FAT1: variants seen among roughly 807,000 people sequenced by gnomAD.
FAT1 encodes the protein FAT atypical cadherin 1.
In FAT1, 171 loss-of-function variants were observed where a neutral mutation model predicts 329.8. The observed-to-expected ratio is 0.52, with a 90% CI of 0.46 to 0.59. The LOEUF (loss-of-function observed/expected upper bound fraction) is 0.59. FAT1 is among the 20% of genes least tolerant of loss of function. The probability of loss-of-function intolerance (pLI) is 0.00; values close to 1 mark genes in which losing one functional copy is unlikely to be tolerated. For synonymous variants in FAT1, 2,233 were observed against 2,228.6 expected (o/e 1.00, Z -0.06); for missense variants, 5,672 against 5,774.4 (o/e 0.98, Z 0.57).
chr4:186,693,217 A>C (rs1421923030), intron 2 of FAT1, among the ~76,000 whole-genome samples: 3 of 152,250 alleles, frequency 2.0e-5, no homozygotes, highest in Non-Finnish European at 4.4e-5. Flanking sequence ...CAATTTTCAC[A>C]AGCCTTTATA....
At chr4:186,611,179 T>C (rs190559784) in intron 14 of FAT1, among the ~76,000 whole-genome samples, 1 of 152,284 alleles carries the variant, frequency 6.6e-6, no homozygotes, top group Non-Finnish European at 1.5e-5. Flanking sequence ...ATAATGAACA[T>C]GCCCAAAATG....
At position 186,708,159 on chromosome 4, in the gene FAT1, T is replaced by C. The variant is rs778000309; in HGVS notation, c.1669A>G (p.Ile557Val). The C allele has an allele frequency of 1.1e-5, 18 of 1,613,896 alleles. No homozygotes were observed. Among genetic ancestry groups the C allele is most frequent in the Admixed American group, 3.3e-5 (2 of 59,996 alleles). Residue 557 changes from isoleucine (I) to valine (V), a missense_variant, in exon 2 of 27, where the codon ATT becomes GTT. Ile to Val is a conservative substitution (Grantham distance 29). Transcript: ENST00000441802. Reference sequence around the variant, plus strand: ...TTGTCATTCAAGTTATTGAGAGTAATTGTAGCAAGGACTTCGACTTCCCGG... The same window carrying C: ...TTGTCATTCAAGTTATTGAGAGTAACTGTAGCAAGGACTTCGACTTCCCGG... ...YRREVEVLAT[I>V]TLNNLNDNTP...
At position 186,633,728 on chromosome 4, in the gene FAT1, G is replaced by A. The variant is rs1740696655; in HGVS notation, c.4279C>T (p.Leu1427Phe). 1 of 1,613,920 alleles carries A rather than the reference G, an allele frequency of 6.2e-7. No homozygotes were observed. ...GTTCCATCTGTAGCCTCGACTGTGA[G>A]GTTGTAGTTTGACTTCTGTTCTGCA... Reference protein sequence around the residue: ...LDAEQKSNYNLTVEATDGTTT... With the variant: ...LDAEQKSNYNFTVEATDGTTT... The change falls in exon 7 of 27, where the codon CTC (leucine) becomes TTC (phenylalanine). Residue 1427 changes from leucine to phenylalanine, a missense_variant. Physicochemically the swap from Leu to Phe is conservative, Grantham distance 22. This residue lies in a region of FAT1 where 3,966 missense variants were observed against 3,915.2 expected (regional missense o/e 1.01). Transcript: ENST00000441802.
chr4:186,613,705 C>T (rs2126477517), intron 12 of FAT1, among the ~76,000 whole-genome samples: 1 of 152,174 alleles, frequency 6.6e-6, no homozygotes, highest in East Asian at 1.9e-4. Context: ...AATAAAAAGG[C>T]TTAACAGGAA....
chr4:186,606,280 T>C lies in FAT1; in HGVS notation c.10207-67A>G, dbSNP rs530449481. On this transcript the variant is annotated intron_variant, in intron 16 of 26. Transcript: ENST00000441802. Reference sequence around the variant, plus strand: ...GCCGACAGAGCTCCAATGAGGAGTGTCCTCCTGAGAGTCCTGACGGGCAGG... The same window carrying C: ...GCCGACAGAGCTCCAATGAGGAGTGCCCTCCTGAGAGTCCTGACGGGCAGG... 184 of 1,574,148 alleles carry C rather than the reference T, an allele frequency of 1.2e-4. No homozygotes were observed. In the Admixed American group the frequency reaches 1.7e-3, roughly 14 times the overall value.
chr4:186,630,705 C>T lies in FAT1; in HGVS notation c.4324-1942G>A, dbSNP rs115132489. ...AACCTTCCTAAGACCTCCAAAAGGACGATTATCACCACCCCCACTTTGTAG... is the reference window on the plus strand; with the variant it reads ...AACCTTCCTAAGACCTCCAAAAGGATGATTATCACCACCCCCACTTTGTAG... On this transcript the variant is annotated intron_variant, in intron 7 of 26. Coordinates refer to ENST00000441802, the MANE Select transcript of FAT1 (RefSeq NM_005245.4). Among the ~76,000 whole-genome samples, 1,205 of 152,030 alleles carry T rather than the reference C, an allele frequency of 7.9e-3. 1 individual carries two copies. The highest frequency in any genetic ancestry group is 0.013 in the Non-Finnish European group (876 of 68,008).
chr4:186,632,185 T>C (rs1740631331), intron 7 of FAT1, among the ~76,000 whole-genome samples: 1 of 152,224 alleles, frequency 6.6e-6, no homozygotes, highest in African/African-American at 2.4e-5. Context: ...TTGGTGCACG[T>C]GATATTTCAT....
At chr4:186,647,612 C>T (rs1245181151) in intron 3 of FAT1, among the ~76,000 whole-genome samples, 1 of 152,210 alleles carries the variant, frequency 6.6e-6, no homozygotes, top group Non-Finnish European at 1.5e-5. Context: ...GGCTCCATCC[C>T]TTTCTCACGA....
rs989058058 is a variant in FAT1 at position 186,723,767 on chromosome 4, C to T, written c.-122G>A. On this transcript the variant is annotated 5_prime_UTR_variant, in exon 1 of 27. Transcript: ENST00000441802. ...GGCCTGCCGGGGCCCTCGCCGGGCT[C>T]GCGCGTCCGCATGGTACCTGCCGCA... 4.0e-5 allele frequency: 6 copies of T among 150,586 alleles called. No individual in the cohort carries two copies. Among genetic ancestry groups the T allele is most frequent in the Non-Finnish European group, 5.9e-5 (4 of 67,404 alleles). The allele number at this position is 150,586 out of a possible 1,614,324, so 9.3% of individuals were successfully genotyped here.
In FAT1 at chr4:186,663,464, T is replaced by G. The variant is rs1211349241; in HGVS notation, c.3415A>C (p.Thr1139Pro). Residue 1139 changes from threonine (T) to proline (P), a missense_variant, in exon 3 of 27, where the codon ACA becomes CCA. Thr to Pro is a conservative substitution (Grantham distance 38). Transcript: ENST00000441802. Reference protein sequence around the residue: ...VEDVNDNAPQTSEPVYYPEIM... With the variant: ...VEDVNDNAPQPSEPVYYPEIM... ...TCTGGGTAATAAACAGGCTCTGATG[T>G]CTGTGGTGCATTGTCATTGACATCC... is the stretch of plus-strand genomic sequence containing the variant. The G allele has an allele frequency of 6.2e-7, 1 of 1,614,054 alleles. No homozygotes were observed. Among genetic ancestry groups the G allele is most frequent in the Non-Finnish European group, 8.5e-7 (1 of 1,179,900 alleles).
chr4:186,589,187 C>A lies in FAT1; in HGVS notation c.13172G>T (p.Ser4391Ile), dbSNP rs369994223. 1 of 1,613,272 alleles carries A rather than the reference C, an allele frequency of 6.2e-7. No individual in the cohort carries two copies. The highest frequency in any genetic ancestry group is 8.5e-7 in the Non-Finnish European group (1 of 1,179,588). ...CTCTTGTATGTCCGGCAGAGGAACG[C>A]TTGGCATCCAATCTGATGTATCCCA... is the stretch of plus-strand genomic sequence containing the variant. ...YHWDTSDWMP[S>I]VPLPDIQEFP... The change falls in exon 27 of 27, where the codon AGC becomes ATC. Residue 4391 changes from serine (S) to isoleucine (I), a missense_variant. Coordinates refer to ENST00000441802, the MANE Select transcript of FAT1 (RefSeq NM_005245.4).
chr4:186,725,311 T>G (rs1745681650), upstream of FAT1, among the ~76,000 whole-genome samples: 1 of 152,048 alleles, frequency 6.6e-6, no homozygotes, highest in Non-Finnish European at 1.5e-5. The surrounding 1 kb of genome is among the most constrained non-coding windows in gnomAD (Gnocchi z 5.4). Flanking sequence ...AGCCGTTTCC[T>G]GGGAGCGAGG....
At chr4:186,635,322 T>C (rs993187017) in intron 6 of FAT1, among the ~76,000 whole-genome samples, 1 of 151,436 alleles carries the variant, frequency 6.6e-6, no homozygotes, top group Non-Finnish European at 1.5e-5. Flanking sequence ...AAAAAAAATC[T>C]AAGATGCAAA....
intron 2 of FAT1, among the ~76,000 whole-genome samples, chr4:186,665,445 G>A (rs1473784117): frequency 2.2e-5 from 3 of 139,178 alleles, no homozygotes; most frequent in Non-Finnish European, 1.5e-5. Flanking sequence ...CTGATGGCCA[G>A]TGATGATGAG....
intron 1 of FAT1, among the ~76,000 whole-genome samples, chr4:186,717,313 G>A (rs1745258768): frequency 6.6e-6 from 1 of 152,182 alleles, no homozygotes; most frequent in Admixed American, 6.5e-5. Flanking sequence ...TTTTCAGCAT[G>A]AACGGAGGAA....
intron 7 of FAT1, among the ~76,000 whole-genome samples, chr4:186,630,041 C>T (rs1740515271): frequency 6.6e-6 from 1 of 152,154 alleles, no homozygotes; most frequent in African/African-American, 2.4e-5. Context: ...GTAGAAAGAA[C>T]TGGAAGTCAA....
At position 186,636,182 on chromosome 4, in the gene FAT1, A is replaced by T; in HGVS notation, c.4026T>A (p.His1342Gln). The change falls in exon 6 of 27, where the codon CAT becomes CAA. Residue 1342 changes from histidine (H) to glutamine (Q), a missense_variant. Transcript: ENST00000441802. ...RPQKSSTTRLHIEWISKPKPS... is the reference protein window; with the variant it reads ...RPQKSSTTRLQIEWISKPKPS... ...GTTTGGGCTTGGAGATCCATTCAATATGGAGTCTGGTGGTTGATGACTTTT... is the reference window on the plus strand; with the variant it reads ...GTTTGGGCTTGGAGATCCATTCAATTTGGAGTCTGGTGGTTGATGACTTTT... The T allele has an allele frequency of 6.2e-7, 1 of 1,614,038 alleles. No individual in the cohort carries two copies. Among genetic ancestry groups the T allele is most frequent in the Non-Finnish European group, 8.5e-7 (1 of 1,179,876 alleles).
In FAT1 at chr4:186,636,077, A is replaced by C. The variant is rs1740801898; in HGVS notation, c.4131T>G (p.Ile1377Met). ...CAGGAGGCTCCACAGATATTACTCCAATCATGTGAGCAACGGGGTCACTTT... is the reference window on the plus strand; with the variant it reads ...CAGGAGGCTCCACAGATATTACTCCCATCATGTGAGCAACGGGGTCACTTT... ...VMESDPVAHM[I>M]GVISVEPPGI... The change falls in exon 6 of 27, where the codon ATT becomes ATG. Residue 1377 changes from isoleucine to methionine, a missense_variant. By Grantham distance (10) the Ile-to-Met change is conservative. Transcript: ENST00000441802. 6.2e-7 allele frequency: 1 copy of C among 1,614,018 alleles called. No homozygotes were observed. Among genetic ancestry groups the C allele is most frequent in the Non-Finnish European group, 8.5e-7 (1 of 1,179,898 alleles).
chr4:186,597,966 A>G lies in FAT1; in HGVS notation c.12257+6T>C. ...TGATTATGAAAGTTAAGAAAAATAC[A>G]CATACCTCTGACCAGTATATAATCC... On this transcript the variant is annotated splice_donor_region_variant and intron_variant, in intron 23 of 26. Transcript: ENST00000441802. 6.3e-7 allele frequency: 1 copy of G among 1,595,288 alleles called. No individual in the cohort carries two copies. The highest frequency in any genetic ancestry group is 2.2e-5 in the East Asian group (1 of 44,766).
Sources: gnomAD v4.1 joint callset for allele counts (sites outside exome capture counted in the v4.1 genomes callset) on GRCh38, gnomAD v4.1.1 for gene constraint, gnomAD v4.1.1 regional missense constraint, Gnocchi (gnomAD v3.1) non-coding constraint, MANE v1.5 for transcripts, NCBI Gene and HGNC (gene_info 2026-07-23, HGNC 2026-07-21) for gene names.